Variants in SMIM23 observed in about 807,000 individuals in gnomAD.
The protein encoded by SMIM23 is small integral membrane protein 23, also known as CTB-78H18.1.
Under a neutral mutation model 12.8 loss-of-function variants are expected in SMIM23, and 10 were observed. The ratio of observed to expected loss-of-function variants is 0.78; its 90% CI spans 0.48 to 1.32. The LOEUF (loss-of-function observed/expected upper bound fraction) is 1.32. Ranked by LOEUF, SMIM23 falls within the 40% of genes most tolerant of loss-of-function variation. The probability of loss-of-function intolerance (pLI) is 0.00; values close to 1 mark genes in which losing one functional copy is unlikely to be tolerated. For synonymous variants in SMIM23, 78 were observed against 80.1 expected (o/e 0.97, Z 0.14); for missense variants, 184 against 198.2 (o/e 0.93, Z 0.43).
chr5:171,785,525 C>T (rs908259990), upstream of SMIM23, among the ~76,000 whole-genome samples: 1 of 151,898 alleles, frequency 6.6e-6, no homozygotes, highest in South Asian at 2.1e-4. Flanking sequence ...CTAGGGATTA[C>T]AGGTGTGAGC....
intron 1 of SMIM23, 57 bp downstream of exon 1, chr5:171,786,033 C>T: frequency 7.4e-7 from 1 of 1,359,144 alleles, no homozygotes; most frequent in Non-Finnish European, 1.0e-6. Context: ...TTTTGCCACT[C>T]CAGACAGACT....
upstream of SMIM23, chr5:171,785,802 A>G (rs180975161): frequency 2.2e-4 from 280 of 1,261,352 alleles, no homozygotes; most frequent in African/African-American, 3.8e-3. Flanking sequence ...TGGTGACCAC[A>G]GGTGGGGGAG....
upstream of SMIM23, among the ~76,000 whole-genome samples, chr5:171,778,525 G>A (rs962482115): frequency 6.6e-6 from 1 of 150,836 alleles, no homozygotes; most frequent in Non-Finnish European, 1.5e-5. Flanking sequence ...ATAAGGCAAT[G>A]TAACCATGGA....
chr5:171,780,669 C>T (rs1481116511), upstream of SMIM23, among the ~76,000 whole-genome samples: 1 of 151,962 alleles, frequency 6.6e-6, no homozygotes, highest in African/African-American at 2.4e-5. Context: ...CAAATGTGTC[C>T]ACCAGATAAA....
intron 2 of SMIM23, 39 bp downstream of exon 2, chr5:171,790,320 C>G: frequency 6.5e-7 from 1 of 1,533,632 alleles, no homozygotes; most frequent in Non-Finnish European, 8.7e-7. Flanking sequence ...GAACCAAATC[C>G]ACATGAAGCT....
At chr5:171,777,401 T>C in the SMIM23 span, among the ~76,000 whole-genome samples, 1 of 152,170 alleles carries the variant, frequency 6.6e-6, no homozygotes, top group African/African-American at 2.4e-5. Flanking sequence ...TCCTTTTTGG[T>C]CCACTGTTCG....
At chr5:171,777,653 C>T (rs1026388813), upstream of SMIM23, among the ~76,000 whole-genome samples, 2 of 152,218 alleles carry the variant, frequency 1.3e-5, no homozygotes, top group African/African-American at 2.4e-5. Flanking sequence ...TGGAGTGCCA[C>T]GGACTGTGAG....
chr5:171,786,745 C>T (rs941446880), intron 1 of SMIM23, among the ~76,000 whole-genome samples: 1 of 152,130 alleles, frequency 6.6e-6, no homozygotes, highest in Non-Finnish European at 1.5e-5. Flanking sequence ...ATAACAGGGG[C>T]CTTCATGGGC....
rs1395473605 is a variant in SMIM23, at chr5:171,785,964, T to C, written c.93T>C (p.Asp31=). ...AACGGAGAAGGGGCAGCCACTGTGA[T>C]GACGAGAAGCAGGTGAGGCCAGGCC... ...LLERRRGSHC[D]DEKQTLLALL... is the part of the protein sequence containing the mutation. The change falls in exon 1 of 4, where the codon GAT becomes GAC. Residue 31 remains aspartate (D), a synonymous_variant. Coordinates refer to ENST00000523047, the MANE Select transcript of SMIM23 (RefSeq NM_001289970.2). 2 of 1,536,262 alleles carry C rather than the reference T, an allele frequency of 1.3e-6. No individual in the cohort carries two copies. The highest frequency in any genetic ancestry group is 2.0e-5 in the Admixed American group (1 of 50,980).
At chr5:171,780,231 C>T (rs1755704774), upstream of SMIM23, among the ~76,000 whole-genome samples, 1 of 152,138 alleles carries the variant, frequency 6.6e-6, no homozygotes, top group Admixed American at 6.5e-5. Flanking sequence ...ATTCCCTGCC[C>T]CCGCCAACTC....
chr5:171,777,331 C>T, the SMIM23 span, among the ~76,000 whole-genome samples: 1 of 152,222 alleles, frequency 6.6e-6, no homozygotes, highest in African/African-American at 2.4e-5. Flanking sequence ...ATCGCCAGAG[C>T]GGGTATGCAA....
chr5:171,786,409 T>C (rs748950866), intron 1 of SMIM23, among the ~76,000 whole-genome samples: 24 of 152,172 alleles, frequency 1.6e-4, no homozygotes, highest in Non-Finnish European at 3.2e-4. Flanking sequence ...CACAGCCTGG[T>C]GCATCCACAC....
chr5:171,780,480 T>G (rs1187977260), upstream of SMIM23, among the ~76,000 whole-genome samples: 1 of 152,006 alleles, frequency 6.6e-6, no homozygotes, highest in Admixed American at 6.6e-5. Context: ...TCCGAAGGAG[T>G]TTCCTGGAAG....
the SMIM23 span, chr5:171,774,074 A>G: frequency 2.8e-6 from 1 of 351,562 alleles, no homozygotes; most frequent in Non-Finnish European, 5.6e-6. Context: ...GACAAAGAGA[A>G]AAAAAATGGC....
At chr5:171,783,661 A>G (rs1238659554), upstream of SMIM23, among the ~76,000 whole-genome samples, 2 of 152,250 alleles carry the variant, frequency 1.3e-5, no homozygotes, top group Non-Finnish European at 2.9e-5. Context: ...GAGTTCTTAG[A>G]CTTGCCATGA....
At chr5:171,787,856 A>G (rs1161479121) in intron 1 of SMIM23, among the ~76,000 whole-genome samples, 2 of 152,202 alleles carry the variant, frequency 1.3e-5, no homozygotes, top group Non-Finnish European at 2.9e-5. Context: ...AAATGGAATC[A>G]TACCATGTAT....
chr5:171,777,044 G>C, the SMIM23 span, among the ~76,000 whole-genome samples: 1 of 148,888 alleles, frequency 6.7e-6, no homozygotes, highest in African/African-American at 2.5e-5. Context: ...TTTCCCTCCA[G>C]CTTCCCCCTC....
At chr5:171,787,510 A>T (rs1038565090) in intron 1 of SMIM23, among the ~76,000 whole-genome samples, 2 of 152,198 alleles carry the variant, frequency 1.3e-5, no homozygotes, top group African/African-American at 4.8e-5. Flanking sequence ...GAAGAAATCA[A>T]CCTGTAAAAT....
chr5:171,774,505 T>A, the SMIM23 span: 10 of 456,032 alleles, frequency 2.2e-5, no homozygotes, highest in East Asian at 2.1e-4. Flanking sequence ...GCCGAGGGGA[T>A]CCTGGATTTC....
Sources: gnomAD v4.1 joint callset for allele counts (sites outside exome capture counted in the v4.1 genomes callset) on GRCh38, gnomAD v4.1.1 for gene constraint, MANE v1.5 for transcripts, NCBI Gene and HGNC (gene_info 2026-07-23, HGNC 2026-07-21) for gene names.